DGKB: variants seen among roughly 807,000 people sequenced by gnomAD.
The protein encoded by DGKB is 90 kDa diacylglycerol kinase.
In DGKB, 67 loss-of-function variants were observed where a neutral mutation model predicts 114.3. That is an observed-to-expected ratio of 0.59 (90% CI 0.48 to 0.72). DGKB has a LOEUF of 0.72. Among genes scored for constraint, DGKB ranks in the 30% least tolerant of loss-of-function variants. DGKB has a pLI of 0.00. For synonymous variants in DGKB, 398 were observed against 323.1 expected, an observed-to-expected ratio of 1.23 and a Z score of -2.49; for missense variants, 907 against 975.2, an observed-to-expected ratio of 0.93 and a Z score of 0.93.
intron 21 of DGKB, among the ~76,000 whole-genome samples, chr7:14,472,844 T>C (rs946809341): frequency 1.3e-5 from 2 of 152,194 alleles, no homozygotes; most frequent in East Asian, 3.9e-4. Flanking sequence ...GCCCTAGAGA[T>C]TTGTGGAACT....
At chr7:14,446,875 G>A (rs1265132853) in intron 21 of DGKB, among the ~76,000 whole-genome samples, 3 of 152,018 alleles carry the variant, frequency 2.0e-5, no homozygotes, top group Non-Finnish European at 4.4e-5. Flanking sequence ...AGAGAGAGAC[G>A]GTGCCTATGG....
chr7:14,187,996 T>C (rs575043871), intron 23 of DGKB, among the ~76,000 whole-genome samples: 2 of 151,782 alleles, frequency 1.3e-5, no homozygotes, highest in East Asian at 3.9e-4. Flanking sequence ...AACAAAGATG[T>C]ATATAAAATA....
At chr7:14,380,863 A>G (rs1057224109) in intron 21 of DGKB, among the ~76,000 whole-genome samples, 16 of 152,220 alleles carry the variant, frequency 1.1e-4, no homozygotes, top group African/African-American at 3.6e-4. Flanking sequence ...AGCTACCAAC[A>G]CCCAATCCCT....
At chr7:14,316,147 A>T (rs1806468415) in intron 23 of DGKB, among the ~76,000 whole-genome samples, 2 of 151,988 alleles carry the variant, frequency 1.3e-5, no homozygotes, top group Non-Finnish European at 2.9e-5. Context: ...TGTAGAGGGA[A>T]ATTTATAGCA....
intron 15 of DGKB, among the ~76,000 whole-genome samples, chr7:14,615,301 A>T (rs928105904): frequency 1.3e-5 from 2 of 151,922 alleles, no homozygotes; most frequent in Non-Finnish European, 1.5e-5. Context: ...TTTTATAACT[A>T]TATGAGATTA....
chr7:14,865,847 T>C (rs1022026352), intron 1 of DGKB, among the ~76,000 whole-genome samples: 3 of 152,138 alleles, frequency 2.0e-5, no homozygotes, highest in Non-Finnish European at 4.4e-5. Context: ...GGTTGAGGGA[T>C]AGAGGACTTT....
chr7:14,277,414 C>A (rs1230214082), intron 23 of DGKB, among the ~76,000 whole-genome samples: 3 of 152,280 alleles, frequency 2.0e-5, no homozygotes, highest in African/African-American at 7.2e-5. Context: ...CACAAGCCAT[C>A]CACCCACCTT....
chr7:14,846,310 C>T (rs1041307497), intron 1 of DGKB, among the ~76,000 whole-genome samples: 7 of 152,144 alleles, frequency 4.6e-5, no homozygotes, highest in African/African-American at 1.4e-4. Flanking sequence ...TCATAATTCT[C>T]ATAGTTCTAA....
At chr7:14,552,293 A>C (rs1795213062) in intron 20 of DGKB, among the ~76,000 whole-genome samples, 1 of 152,200 alleles carries the variant, frequency 6.6e-6, no homozygotes, top group South Asian at 2.1e-4. Context: ...TTTGTGGAAT[A>C]AACTAATAAA....
At chr7:14,762,496 A>G (rs1414769621) in intron 2 of DGKB, among the ~76,000 whole-genome samples, 2 of 152,192 alleles carry the variant, frequency 1.3e-5, no homozygotes, top group Non-Finnish European at 2.9e-5. Flanking sequence ...GACCCTTTAC[A>G]TTAGTCTGAA....
intron 2 of DGKB, among the ~76,000 whole-genome samples, chr7:14,770,345 C>T (rs1837233633): frequency 6.6e-6 from 1 of 152,006 alleles, no homozygotes; most frequent in African/African-American, 2.4e-5. Flanking sequence ...AATGTCTCCA[C>T]TAGGCCAGGA....
Position 14,630,267 on chromosome 7 carries a change from G to A in DGKB, c.1136C>T (p.Thr379Ile). 1 of 1,556,094 alleles carries A rather than the reference G, an allele frequency of 6.4e-7. No individual in the cohort carries two copies. Among genetic ancestry groups the A allele is most frequent in the Non-Finnish European group, 8.7e-7 (1 of 1,150,576 alleles). Residue 379 changes from threonine (T) to isoleucine (I), a missense_variant and splice_region_variant, in exon 14 of 26, where the codon ACT becomes ATT. Physicochemically the swap from Thr to Ile is moderately conservative, Grantham distance 89 (BLOSUM62 -1). This residue lies in a region of DGKB where 814 missense variants were observed against 856.6 expected (regional missense o/e 0.95). Transcript: ENST00000402815. ...PPTTICPVVL[T>I]LPTSGVSVPE... ...AACTGAAACTCCTGAAGTGGGCAGA[G>A]TCTGCTGAAAAAGAGAAGTTCATAT...
chr7:14,932,817 G>T (rs1202745595), intron 1 of DGKB, among the ~76,000 whole-genome samples: 2 of 152,176 alleles, frequency 1.3e-5, no homozygotes, highest in Admixed American at 1.3e-4. Flanking sequence ...CCACCAAAGG[G>T]CTTCCAGGCA....
intron 23 of DGKB, among the ~76,000 whole-genome samples, chr7:14,319,688 T>C (rs750947878): frequency 5.9e-5 from 9 of 152,172 alleles, no homozygotes; most frequent in African/African-American, 2.2e-4. Context: ...GTAGATCTTA[T>C]AAGATAATGA....
intron 21 of DGKB, among the ~76,000 whole-genome samples, chr7:14,410,710 T>A (rs1431218099): frequency 6.6e-6 from 1 of 152,124 alleles, no homozygotes; most frequent in Admixed American, 6.6e-5. Flanking sequence ...AGTAAATAGT[T>A]ACCACATCTG....
Position 14,541,650 on chromosome 7 carries a change from T to C in DGKB, c.1770+32562A>G, listed in dbSNP as rs1486628853. ...AATCCAAAACCTTCCCAAAGCATAT[T>C]GTGACTAATTCACTATGTCCTAGGC... is the stretch of plus-strand genomic sequence containing the variant. On this transcript the variant is annotated intron_variant, in intron 20 of 25. Coordinates refer to ENST00000402815, the MANE Select transcript of DGKB (RefSeq NM_001350709.2). 3.9e-5 allele frequency among the ~76,000 whole-genome samples: 6 copies of C among 152,184 alleles called. No individual in the cohort carries two copies. The East Asian group carries it at 1.2e-3, about 29-fold the overall frequency.
At chr7:14,767,090 G>T (rs1836565588) in intron 2 of DGKB, among the ~76,000 whole-genome samples, 2 of 151,174 alleles carry the variant, frequency 1.3e-5, no homozygotes, top group Non-Finnish European at 3.0e-5. Flanking sequence ...TAGAAGGAAA[G>T]AATTTGGGCA....
intron 2 of DGKB, among the ~76,000 whole-genome samples, chr7:14,784,354 TC>T (rs1839555620): frequency 1.3e-5 from 2 of 150,962 alleles, no homozygotes; most frequent in African/African-American, 4.9e-5. Context: ...TCACCATCCG[TC>T]CAAATTATAT....
chr7:14,777,182 G>T lies in DGKB; in HGVS notation c.71-19451C>A, dbSNP rs376173708. ...ATGCCTGTACCCCCGTTGTATCTAG[G>T]AAGTGACTCAGTTGCTTTTGATTTT... On this transcript the variant is annotated intron_variant, in intron 2 of 25. Coordinates refer to ENST00000402815, the MANE Select transcript of DGKB (RefSeq NM_001350709.2). 2.2e-4 allele frequency among the ~76,000 whole-genome samples: 33 copies of T among 152,250 alleles called. No individual in the cohort carries two copies. The East Asian group carries it at 4.6e-3, about 21-fold the overall frequency.
Sources: gnomAD v4.1 joint callset for allele counts (sites outside exome capture counted in the v4.1 genomes callset) on GRCh38, gnomAD v4.1.1 for gene constraint, gnomAD v4.1.1 regional missense constraint, MANE v1.5 for transcripts, NCBI Gene and HGNC (gene_info 2026-07-23, HGNC 2026-07-21) for gene names.